PLA2G10: variants seen among roughly 807,000 people sequenced by gnomAD.
The protein encoded by PLA2G10 is phospholipase A2 group X, also known as group 10 secretory phospholipase A2.
A neutral mutation model predicts 7.9 loss-of-function variants in PLA2G10; 9 were observed. The ratio of observed to expected loss-of-function variants is 1.14; its 90% CI spans 0.68 to 1.98. The LOEUF (loss-of-function observed/expected upper bound fraction) is 1.98, where lower values mean the gene tolerates loss of function less well. PLA2G10 is among the 30% of genes most tolerant of loss of function. The pLI, the probability that PLA2G10 is intolerant of heterozygous loss-of-function variation, is 0.00. For missense variants in PLA2G10, 53 were observed against 65.4 expected (o/e 0.81, Z 0.66); for synonymous variants, 19 against 27.5 (o/e 0.69, Z 0.97).
intron 3 of PLA2G10, among the ~76,000 whole-genome samples, chr16:14,683,383 C>T (rs1260653894): frequency 6.6e-6 from 1 of 151,796 alleles, no homozygotes; most frequent in African/African-American, 2.4e-5. Context: ...CAGGAGCATG[C>T]TGCCACACCC....
At chr16:14,688,428 G>T (rs1394548151) in intron 2 of PLA2G10, among the ~76,000 whole-genome samples, 157 bp from the exon 3 acceptor site, 7 of 63,616 alleles carry the variant, frequency 1.1e-4, no homozygotes, top group Non-Finnish European at 1.9e-4. Context: ...TTTCTCTGTC[G>T]CCCAGGCTGG....
chr16:14,681,116 A>T (rs917300570), intron 3 of PLA2G10, among the ~76,000 whole-genome samples: 1 of 151,818 alleles, frequency 6.6e-6, no homozygotes, highest in Non-Finnish European at 1.5e-5. Flanking sequence ...GTGAGCTGAG[A>T]TAGCACCACT....
chr16:14,682,491 C>T (rs915614006), intron 3 of PLA2G10, among the ~76,000 whole-genome samples: 1 of 152,112 alleles, frequency 6.6e-6, no homozygotes, highest in Non-Finnish European at 1.5e-5. Flanking sequence ...ATGAGAATCA[C>T]TTGAACCTGG....
At chr16:14,685,679 T>C (rs1284724034) in intron 3 of PLA2G10, among the ~76,000 whole-genome samples, 1 of 152,140 alleles carries the variant, frequency 6.6e-6, no homozygotes, top group East Asian at 1.9e-4. Context: ...TTTTGTGTTA[T>C]GTCTATTTTC....
chr16:14,683,313 A>G (rs147756764), intron 3 of PLA2G10, among the ~76,000 whole-genome samples: 2,122 of 150,516 alleles, frequency 0.014, 41 homozygotes, highest in African/African-American at 0.047. Flanking sequence ...GCTCACTGCA[A>G]TCTCCACCTC....
intron 3 of PLA2G10, among the ~76,000 whole-genome samples, chr16:14,685,383 AAAAG>A (rs1567506112): frequency 6.6e-6 from 1 of 151,966 alleles, no homozygotes; most frequent in Non-Finnish European, 1.5e-5. Context: ...AAAAAAAAAA[AAAAG>A]AAAGAAAATG....
chr16:14,673,457 C>T (rs184723356), intron 3 of PLA2G10, among the ~76,000 whole-genome samples: 1 of 152,174 alleles, frequency 6.6e-6, no homozygotes, highest in Non-Finnish European at 1.5e-5. Flanking sequence ...CTGCAGCCTC[C>T]GCCTCCTGGA....
chr16:14,688,508 T>C (rs561002435), intron 2 of PLA2G10, among the ~76,000 whole-genome samples: 537 of 42,542 alleles, frequency 0.013, 110 homozygotes, highest in South Asian at 0.044. Flanking sequence ...CCCACTTCAG[T>C]GTCCCAAGTA....
intron 3 of PLA2G10, among the ~76,000 whole-genome samples, chr16:14,681,616 T>C (rs994590930): frequency 6.6e-6 from 1 of 152,050 alleles, no homozygotes; most frequent in Non-Finnish European, 1.5e-5. Context: ...GTTTAAATTT[T>C]TTTTAATATA....
intron 3 of PLA2G10, among the ~76,000 whole-genome samples, chr16:14,678,975 C>T (rs761552235): frequency 9.9e-5 from 15 of 152,044 alleles, no homozygotes; most frequent in Non-Finnish European, 2.1e-4. Context: ...GACACTTGTG[C>T]GTACCCCAGG....
At chr16:14,679,351 T>C (rs950933411) in intron 3 of PLA2G10, among the ~76,000 whole-genome samples, 6 of 151,740 alleles carry the variant, frequency 4.0e-5, no homozygotes, top group African/African-American at 1.5e-4. Flanking sequence ...CTAGGCAGCA[T>C]AGCAAGACAC....
chr16:14,685,611 T>C (rs1961034048), intron 3 of PLA2G10, among the ~76,000 whole-genome samples: 1 of 152,042 alleles, frequency 6.6e-6, no homozygotes, highest in Non-Finnish European at 1.5e-5. Flanking sequence ...TAGGTGGTGG[T>C]TGGATGACAT....
At chr16:14,677,853 AGATGGATGGATGGATGGATG>A (rs66604338) in intron 3 of PLA2G10, among the ~76,000 whole-genome samples, 9 of 146,194 alleles carry the variant, frequency 6.2e-5, no homozygotes, top group Non-Finnish European at 9.0e-5. Context: ...ATGGATGGAT[AGATGGATGGATGGATGGATG>A]GATGGATGGA....
chr16:14,680,904 G>A (rs1417166092), intron 3 of PLA2G10, among the ~76,000 whole-genome samples: 3 of 152,174 alleles, frequency 2.0e-5, no homozygotes, highest in African/African-American at 7.2e-5. Context: ...CCTCATGCCT[G>A]TAATCCCAGC....
At chr16:14,676,652 C>A (rs1960733422) in intron 3 of PLA2G10, among the ~76,000 whole-genome samples, 1 of 152,134 alleles carries the variant, frequency 6.6e-6, no homozygotes, top group Non-Finnish European at 1.5e-5. Context: ...GCACTCCAAC[C>A]TGGGTGACAG....
intron 3 of PLA2G10, among the ~76,000 whole-genome samples, chr16:14,682,914 CA>C (rs1960931572): frequency 6.6e-6 from 1 of 151,976 alleles, no homozygotes; most frequent in African/African-American, 2.4e-5. Context: ...ACTAAAAATA[CA>C]AAAATCAACT....
In PLA2G10 at chr16:14,680,418, T is replaced by C. The variant is rs576439384; in HGVS notation, c.356-7669A>G. Among the ~76,000 whole-genome samples, 399 of 151,924 alleles carry C rather than the reference T, an allele frequency of 2.6e-3. 3 individuals carry two copies. Among genetic ancestry groups the C allele is most frequent in the African/African-American group, 9.0e-3 (374 of 41,438 alleles). ...CCCGGCCTTTTTTGTTGAGGCAGGG[T>C]CTCACTCTGTCACCCAGGCTGGAAT... is the stretch of plus-strand genomic sequence containing the variant. On this transcript the variant is annotated intron_variant, in intron 3 of 3. Transcript: ENST00000438167.
intron 3 of PLA2G10, among the ~76,000 whole-genome samples, chr16:14,686,224 G>T (rs115847731): frequency 0.012 from 1,826 of 150,774 alleles, 32 homozygotes; most frequent in African/African-American, 0.038. Flanking sequence ...GAATTCCTAG[G>T]CTCAAGCCAT....
chr16:14,680,680 C>T (rs575223479), intron 3 of PLA2G10, among the ~76,000 whole-genome samples: 6 of 152,254 alleles, frequency 3.9e-5, no homozygotes, highest in Non-Finnish European at 7.4e-5. Context: ...TTTCAAAGTT[C>T]ATCCATGTTG....
Sources: gnomAD v4.1 joint callset for allele counts (sites outside exome capture counted in the v4.1 genomes callset) on GRCh38, gnomAD v4.1.1 for gene constraint, MANE v1.5 for transcripts, NCBI Gene and HGNC (gene_info 2026-07-23, HGNC 2026-07-21) for gene names.